The following EPHA8 variants were observed in gnomAD, a reference collection of about 807,000 sequenced individuals.
EPHA8 encodes ephrin type-A receptor 8.
A neutral mutation model predicts 103.6 loss-of-function variants in EPHA8; 58 were observed. The ratio of observed to expected loss-of-function variants is 0.56; its 90% CI spans 0.45 to 0.70. EPHA8 has a LOEUF of 0.70. EPHA8 is among the 30% of genes least tolerant of loss of function. The probability of loss-of-function intolerance (pLI) is 0.00; values close to 1 mark genes in which losing one functional copy is unlikely to be tolerated. For missense variants in EPHA8, 1,304 were observed against 1,395.2 expected (o/e 0.93, Z 1.04); for synonymous variants, 559 against 572.5 (o/e 0.98, Z 0.34).
In EPHA8 at chr1:22,598,349, GGAGGAGGTCTTC is replaced by G; in HGVS notation, c.2178+141_2178+152del. 1.2e-6 allele frequency: 1 copy of G among 817,260 alleles called. No individual in the cohort carries two copies. The allele number at this position is 817,260 out of a possible 1,614,324, so 50.6% of individuals were successfully genotyped here. A position where few individuals can be genotyped will look rare whatever the true frequency, so the allele number is the denominator to read the frequency against. On this transcript the variant is annotated intron_variant, in intron 12 of 16. Coordinates refer to ENST00000166244, the MANE Select transcript of EPHA8 (RefSeq NM_020526.5). This position sits in a 1 kb window ranked among gnomAD's most constrained non-coding sequence, Gnocchi z 5.1. Reference sequence around the variant, plus strand: ...GCCGGGGGACAGGAGGCAGGTATAGGGAGGAGGTCTTCGAGTTCAGCCAGTCGAACTGCCTTT... The same window carrying G: ...GCCGGGGGACAGGAGGCAGGTATAGGGAGTTCAGCCAGTCGAACTGCCTTT...
rs1036530798 is a variant in EPHA8, at chr1:22,569,093, A to C, written c.95-196A>C. The stretch of plus-strand genomic sequence containing the variant: ...CTTTTTGGCCAAGAGGGTGAGAAGA[A>C]GGCTTCAGGGAAGAGAAAGAACTTA... On this transcript the variant is annotated intron_variant, in intron 1 of 16. Coordinates refer to ENST00000166244, the MANE Select transcript of EPHA8 (RefSeq NM_020526.5). This position sits in a 1 kb window ranked among gnomAD's most constrained non-coding sequence, Gnocchi z 4.5. Among the ~76,000 whole-genome samples, 3 of 152,224 alleles carry C rather than the reference A, an allele frequency of 2.0e-5. No individual in the cohort carries two copies. The highest frequency in any genetic ancestry group is 7.2e-5 in the African/African-American group (3 of 41,460).
chr1:22,587,716 G>GCAT (rs1641256416), intron 4 of EPHA8, among the ~76,000 whole-genome samples: 1 of 152,186 alleles, frequency 6.6e-6, no homozygotes, highest in Non-Finnish European at 1.5e-5. Context: ...ATCTGCCCAA[G>GCAT]CATCAGCCCC....
rs1641316612 is a variant in EPHA8 at position 22,589,399 on chromosome 1, T to C, written c.1315+193T>C. The C allele has an allele frequency of 1.1e-5, 17 of 1,491,644 alleles. No homozygotes were observed. Among genetic ancestry groups the C allele is most frequent in the Non-Finnish European group, 1.4e-5 (16 of 1,118,640 alleles). The allele number at this position is 1,491,644 out of a possible 1,614,324, so 92.4% of individuals were successfully genotyped here. On this transcript the variant is annotated intron_variant, in intron 5 of 16. Coordinates refer to ENST00000166244, the MANE Select transcript of EPHA8 (RefSeq NM_020526.5). This position sits in a 1 kb window ranked among gnomAD's most constrained non-coding sequence, Gnocchi z 4.3. The stretch of plus-strand genomic sequence containing the variant: ...CTTTAGAAAAGTGGAACACATTCTA[T>C]AAGTAAGAGAAATCCCAAAAGCTCA...
At position 22,597,885 on chromosome 1, in the gene EPHA8, T is replaced by C; in HGVS notation, c.2116+24T>C. 6.3e-7 allele frequency: 1 copy of C among 1,593,208 alleles called. No homozygotes were observed. Among genetic ancestry groups the C allele is most frequent in the Non-Finnish European group, 8.6e-7 (1 of 1,168,682 alleles). ...TGGTAGGTGCCGGGCAAAGACAGCC[T>C]CCCCCTGCAGTGCCCCTCCTGCCTG... On this transcript the variant is annotated intron_variant, in intron 11 of 16. Transcript: ENST00000166244. The surrounding 1 kb of genome is among the most constrained non-coding windows in gnomAD (Gnocchi z 4.6).
chr1:22,573,728 GCTC>G (rs1640606778), intron 2 of EPHA8, among the ~76,000 whole-genome samples: 1 of 152,192 alleles, frequency 6.6e-6, no homozygotes, highest in African/African-American at 2.4e-5. Flanking sequence ...ACAAGGGACT[GCTC>G]CTGGCCAGCC....
chr1:22,585,048 T>TGCGCGCGCGCGCGCGCGC (rs1553146979), intron 3 of EPHA8, among the ~76,000 whole-genome samples: 3 of 111,284 alleles, frequency 2.7e-5, no homozygotes, highest in African/African-American at 1.4e-4. Flanking sequence ...TGTGTGTGTG[T>TGCGCGCGCGCGCGCGCGC]GTGCGCACGC....
chr1:22,591,775 T>C (rs1283347525), intron 5 of EPHA8, among the ~76,000 whole-genome samples: 1 of 152,096 alleles, frequency 6.6e-6, no homozygotes, highest in Non-Finnish European at 1.5e-5. Context: ...TGGCTTCTCC[T>C]TCGGAATGAC....
rs1276061468 is a variant in EPHA8, at chr1:22,598,305, C to T, written c.2178+93C>T. 13 of 1,320,882 alleles carry T rather than the reference C, an allele frequency of 9.8e-6. No homozygotes were observed. Among genetic ancestry groups the T allele is most frequent in the Non-Finnish European group, 1.4e-5 (13 of 944,100 alleles). 81.8% of individuals were successfully genotyped at this position (1,320,882 alleles called of 1,614,324 possible). On this transcript the variant is annotated intron_variant, in intron 12 of 16. Transcript: ENST00000166244. The surrounding 1 kb of genome is among the most constrained non-coding windows in gnomAD (Gnocchi z 5.1). Reference sequence around the variant, plus strand: ...AGTGCAAAGCCCTCTAAGCCCCCTCCCTGGCTTGGACACCACAGGCCGGGG... The same window carrying T: ...AGTGCAAAGCCCTCTAAGCCCCCTCTCTGGCTTGGACACCACAGGCCGGGG...
At chr1:22,586,702 C>A in intron 4 of EPHA8, 67 bp downstream of exon 4, 1 of 1,573,342 alleles carries the variant, frequency 6.4e-7, no homozygotes, top group Non-Finnish European at 8.7e-7. Context: ...GTGTTTGGTC[C>A]TCCAGGCCTC....
At chr1:22,595,408 T>G (rs1641491066) in intron 8 of EPHA8, 85 bp downstream of exon 8, 1 of 1,137,356 alleles carries the variant, frequency 8.8e-7, no homozygotes, top group Non-Finnish European at 1.3e-6. Flanking sequence ...GAGCCGGTGG[T>G]CCCCGTGTGC....
Position 22,593,420 on chromosome 1 carries a change from C to A in EPHA8, c.1410C>A (p.Ile470=). 6.2e-7 allele frequency: 1 copy of A among 1,606,882 alleles called. No homozygotes were observed. Among genetic ancestry groups the A allele is most frequent in the Middle Eastern group, 1.7e-4 (1 of 6,054 alleles). The part of the protein sequence containing the change: ...WQEPEQPNGI[I]LEYEIKYYEK... The stretch of plus-strand genomic sequence containing the variant: ...AGCCCGAGCAGCCGAACGGCATCAT[C>A]CTGGAGTATGAGATCAAGTACTACG... Residue 470 remains isoleucine (I), a synonymous_variant, in exon 6 of 17, where the codon ATC becomes ATA. Coordinates refer to ENST00000166244, the MANE Select transcript of EPHA8 (RefSeq NM_020526.5).
chr1:22,591,939 A>C (rs2148257410), intron 5 of EPHA8, among the ~76,000 whole-genome samples: 1 of 151,832 alleles, frequency 6.6e-6, no homozygotes, highest in Non-Finnish European at 1.5e-5. Context: ...CACCAAAAGA[A>C]CCCCCATTCT....
At position 22,602,402 on chromosome 1, in the gene EPHA8, C is replaced by T. The variant is rs41266041; in HGVS notation, c.*661C>T. 14,591 of 153,348 alleles carry T rather than the reference C, an allele frequency of 0.095. 848 individuals carry two copies. The highest frequency in any genetic ancestry group is 0.18 in the Admixed American group (2,732 of 15,296). The allele number at this position is 153,348 out of a possible 1,614,324, so 9.5% of individuals were successfully genotyped here. On this transcript the variant is annotated 3_prime_UTR_variant, in exon 17 of 17. Coordinates refer to ENST00000166244, the MANE Select transcript of EPHA8 (RefSeq NM_020526.5). ...CGTCTCTGCCTGGGTGAGCCCACCC[C>T]GGCTGTATCTCAGGTCTGGGTCCTC... is the stretch of plus-strand genomic sequence containing the variant.
In EPHA8 at chr1:22,569,334, T is replaced by C. The variant is rs1242022682; in HGVS notation, c.140T>C (p.Leu47Pro). 6.2e-7 allele frequency: 1 copy of C among 1,603,108 alleles called. No homozygotes were observed. The highest frequency in any genetic ancestry group is 1.1e-5 in the South Asian group (1 of 88,690). ...TSTIHGDWGW[L>P]TYPAHGWDSI... Reference sequence around the variant, plus strand: ...ACCATCCACGGGGACTGGGGCTGGCTCACGTATCCGGCTCATGGGGTGAGT... The same window carrying C: ...ACCATCCACGGGGACTGGGGCTGGCCCACGTATCCGGCTCATGGGGTGAGT... The change falls in exon 2 of 17, where the codon CTC (leucine) becomes CCC (proline). Residue 47 changes from leucine to proline, a missense_variant. Physicochemically the swap from Leu to Pro is moderately conservative, Grantham distance 98. Coordinates refer to ENST00000166244, the MANE Select transcript of EPHA8 (RefSeq NM_020526.5). This position sits in a 1 kb window ranked among gnomAD's most constrained non-coding sequence, Gnocchi z 4.5.
chr1:22,578,659 G>T (rs1640900891), intron 3 of EPHA8, among the ~76,000 whole-genome samples: 1 of 150,192 alleles, frequency 6.7e-6, no homozygotes, highest in East Asian at 1.9e-4. Flanking sequence ...GTGTGCATGT[G>T]AGTGTATGTA....
rs1055229681 is a variant in EPHA8 at position 22,567,222 on chromosome 1, G to A, written c.95-2067G>A. On this transcript the variant is annotated intron_variant, in intron 1 of 16. Coordinates refer to ENST00000166244, the MANE Select transcript of EPHA8 (RefSeq NM_020526.5). This position sits in a 1 kb window ranked among gnomAD's most constrained non-coding sequence, Gnocchi z 4.2. Reference sequence around the variant, plus strand: ...GTCACAGAAGGGGCCCAGTCACCCCGAGACCTGTGTCTGGGATGCGGGGTG... The same window carrying A: ...GTCACAGAAGGGGCCCAGTCACCCCAAGACCTGTGTCTGGGATGCGGGGTG... 1.3e-5 allele frequency among the ~76,000 whole-genome samples: 2 copies of A among 152,162 alleles called. No individual in the cohort carries two copies. Among genetic ancestry groups the A allele is most frequent in the African/African-American group, 4.8e-5 (2 of 41,462 alleles).
chr1:22,563,612 C>A lies in EPHA8; in HGVS notation c.-24C>A. ...CCAAGCCCGAGGGTGCGTGGCGCCC[C>A]CGCCCGCCCGGCCCGGCCCGGCCAT... On this transcript the variant is annotated 5_prime_UTR_variant, in exon 1 of 17. Transcript: ENST00000166244. The surrounding 1 kb of genome is among the most constrained non-coding windows in gnomAD (Gnocchi z 4.4). The A allele has an allele frequency of 8.1e-6, 1 of 123,818 alleles. No individual in the cohort carries two copies. Among genetic ancestry groups the A allele is most frequent in the South Asian group, 2.1e-4 (1 of 4,872 alleles). 7.7% of individuals were successfully genotyped at this position (123,818 alleles called of 1,614,324 possible).
chr1:22,599,822 G>GA (rs1447584390), intron 13 of EPHA8, among the ~76,000 whole-genome samples: 1 of 366 alleles, frequency 2.7e-3, no homozygotes, highest in African/African-American at 0.015. Context: ...AAGAAGAAAG[G>GA]AAGGGAGGGG....
rs896138771 is a variant in EPHA8, at chr1:22,577,903, GTGTA to G, written c.823+1027_823+1030del. ...TGTGTTCATGAGTGTGTGCATGTGTGTGTATGTGTGCGTGAGTGTATGTGTGCGT... is the reference window on the plus strand; with the variant it reads ...TGTGTTCATGAGTGTGTGCATGTGTGTGTGTGCGTGAGTGTATGTGTGCGT... On this transcript the variant is annotated intron_variant, in intron 3 of 16. Transcript: ENST00000166244. Among the ~76,000 whole-genome samples, 15 of 78,156 alleles carry G rather than the reference GTGTA, an allele frequency of 1.9e-4. No individual in the cohort carries two copies. In the East Asian group the frequency reaches 2.6e-3, roughly 14 times the overall value. The allele number at this position is 78,156 out of a possible 152,430, so 51.3% of individuals were successfully genotyped here. A position where few individuals can be genotyped will look rare whatever the true frequency, so the allele number is the denominator to read the frequency against.
Sources: allele counts gnomAD v4.1 joint callset (sites outside exome capture counted in the v4.1 genomes callset), GRCh38; gene constraint gnomAD v4.1.1; non-coding constraint Gnocchi (gnomAD v3.1); transcripts MANE v1.5; gene names NCBI Gene and HGNC (gene_info 2026-07-23, HGNC 2026-07-21).